The following TBC1D31 variants were observed in gnomAD, a reference collection of about 807,000 sequenced individuals.
TBC1D31 encodes the protein WD repeat domain 67.
TBC1D31 carries 99 observed loss-of-function variants against 132.9 expected under a neutral mutation model. That is an observed-to-expected ratio of 0.74 (90% confidence interval 0.63 to 0.88). The LOEUF (loss-of-function observed/expected upper bound fraction) is 0.88. Ranked by LOEUF, TBC1D31 falls within the 40% of genes least tolerant of loss-of-function variation. The pLI is 0.00. For synonymous variants in TBC1D31, 385 were observed against 419.4 expected (o/e 0.92, Z 1.00); for missense variants, 1,134 against 1,256.6 (o/e 0.90, Z 1.48).
intron 4 of TBC1D31, among the ~76,000 whole-genome samples, chr8:123,088,254 A>C (rs1346708097): frequency 6.6e-6 from 1 of 152,188 alleles, no homozygotes; most frequent in Non-Finnish European, 1.5e-5. Flanking sequence ...ATTTTTCTTA[A>C]AGGGCCAGTA....
chr8:123,147,114 A>G (rs909219709), intron 20 of TBC1D31, among the ~76,000 whole-genome samples: 10 of 151,922 alleles, frequency 6.6e-5, no homozygotes, highest in Non-Finnish European at 1.3e-4. Flanking sequence ...TACAAAAGAT[A>G]CTAATCATGG....
At chr8:123,080,697 C>T (rs1204221979) in intron 2 of TBC1D31, among the ~76,000 whole-genome samples, 1 of 151,882 alleles carries the variant, frequency 6.6e-6, no homozygotes, top group African/African-American at 2.4e-5. Context: ...CCACCACGCC[C>T]AGCTAATTTT....
At chr8:123,091,473 A>G (rs755478830) in intron 4 of TBC1D31, among the ~76,000 whole-genome samples, 3 of 152,226 alleles carry the variant, frequency 2.0e-5, no homozygotes, top group Non-Finnish European at 4.4e-5. Context: ...TAAGGCCTTC[A>G]TATTATAAAT....
intron 4 of TBC1D31, among the ~76,000 whole-genome samples, chr8:123,091,630 T>C (rs1370879106): frequency 6.6e-6 from 1 of 152,208 alleles, no homozygotes; most frequent in South Asian, 2.1e-4. Flanking sequence ...TATTGTCTTA[T>C]TGGCATTAAT....
At chr8:123,116,042 G>T (rs1399473580) in intron 10 of TBC1D31, among the ~76,000 whole-genome samples, 4 of 152,074 alleles carry the variant, frequency 2.6e-5, no homozygotes. Flanking sequence ...AGTAATGAAA[G>T]GGAATTAGCC....
Position 123,130,254 on chromosome 8 carries a change from CAAG to C in TBC1D31, c.2331_2333del (p.Arg779del). ...AAGGAAATGCACTTACAAGATGCTG[CAAG>C]AAGGCGTTTTCTGAAGCTTCAGCAA... is the stretch of plus-strand genomic sequence containing the variant. On this transcript the variant is annotated inframe_deletion, in exon 16 of 22. Coordinates refer to ENST00000287380, the MANE Select transcript of TBC1D31 (RefSeq NM_145647.4). The C allele has an allele frequency of 6.2e-7, 1 of 1,612,852 alleles. No homozygotes were observed. The highest frequency in any genetic ancestry group is 8.5e-7 in the Non-Finnish European group (1 of 1,179,350).
At chr8:123,099,940 G>GA (rs1817218291) in intron 6 of TBC1D31, among the ~76,000 whole-genome samples, 1 of 151,962 alleles carries the variant, frequency 6.6e-6, no homozygotes, top group East Asian at 1.9e-4. Context: ...AGAGGGAGCC[G>GA]AACTCATCCT....
Position 123,105,616 on chromosome 8 carries a change from G to C in TBC1D31, c.1209+152G>C, listed in dbSNP as rs973973059. The C allele has an allele frequency of 1.5e-5, 11 of 726,390 alleles. No individual in the cohort carries two copies. The Admixed American group carries it at 3.9e-4, about 26-fold the overall frequency. 45.0% of individuals were successfully genotyped at this position (726,390 alleles called of 1,614,324 possible). ...TTGTAACCTAAATTATGCACAGGCT[G>C]GTCTCAATCCTGGCCTCAAGTGATC... On this transcript the variant is annotated intron_variant, in intron 8 of 21. Coordinates refer to ENST00000287380, the MANE Select transcript of TBC1D31 (RefSeq NM_145647.4).
intron 21 of TBC1D31, 60 bp downstream of exon 21, chr8:123,150,188 A>C: frequency 1.5e-6 from 2 of 1,315,336 alleles, no homozygotes; most frequent in Non-Finnish European, 2.2e-6. Flanking sequence ...TATTTAAGCA[A>C]AATTGTGGCT....
chr8:123,097,181 C>A, intron 5 of TBC1D31, 101 bp from the exon 6 acceptor site: 1 of 1,276,750 alleles, frequency 7.8e-7, no homozygotes, highest in Non-Finnish European at 1.1e-6. Context: ...TATTGCATAG[C>A]ATAGACACAG....
chr8:123,079,426 G>C (rs1814904659), intron 2 of TBC1D31, among the ~76,000 whole-genome samples: 1 of 152,110 alleles, frequency 6.6e-6, no homozygotes, highest in Admixed American at 6.6e-5. Flanking sequence ...GATTCATTAG[G>C]TAAAAATCTG....
At chr8:123,112,684 G>A (rs1402322478) in intron 10 of TBC1D31, among the ~76,000 whole-genome samples, 1 of 152,070 alleles carries the variant, frequency 6.6e-6, no homozygotes, top group Non-Finnish European at 1.5e-5. Flanking sequence ...AATTAGTTTG[G>A]CCCATAAGTC....
Position 123,141,551 on chromosome 8 carries a change from T to C in TBC1D31, c.2640+650T>C, listed in dbSNP as rs149269531. Among the ~76,000 whole-genome samples the C allele has an allele frequency of 1.5e-3, 219 of 144,366 alleles. 1 individual carries two copies. Among genetic ancestry groups the C allele is most frequent in the African/African-American group, 5.5e-3 (213 of 38,836 alleles). 94.7% of individuals were successfully genotyped at this position (144,366 alleles called of 152,430 possible). ...ACTTGAGACTTTCAAAGAAGAGCTT[T>C]CTCTATTATCTCTTTAACAAAATGT... On this transcript the variant is annotated intron_variant, in intron 18 of 21. Transcript: ENST00000287380.
intron 19 of TBC1D31, 117 bp downstream of exon 19, chr8:123,142,573 A>G: frequency 1.4e-6 from 1 of 730,084 alleles, no homozygotes; most frequent in East Asian, 3.1e-5. Context: ...GCCTTAAGCA[A>G]TCTGCCTGCA....
chr8:123,147,910 A>G (rs1046911900), intron 20 of TBC1D31, among the ~76,000 whole-genome samples: 2 of 151,864 alleles, frequency 1.3e-5, no homozygotes, highest in Admixed American at 1.3e-4. Flanking sequence ...GGCAGATCAC[A>G]AGGTCAGGAG....
intron 7 of TBC1D31, chr8:123,102,184 C>T (rs772482670): frequency 1.1e-5 from 5 of 454,354 alleles, no homozygotes; most frequent in African/African-American, 2.0e-5. Context: ...TCTGAAATTG[C>T]ACCTTGGTAG....
chr8:123,133,113 G>C (rs1158594362), intron 16 of TBC1D31, among the ~76,000 whole-genome samples: 1 of 152,224 alleles, frequency 6.6e-6, no homozygotes, highest in Non-Finnish European at 1.5e-5. Context: ...AGCAGGAAAG[G>C]CTGCTTGAAT....
chr8:123,146,648 AAGAGTGAAAATAT>A (rs1211015019), intron 20 of TBC1D31, among the ~76,000 whole-genome samples: 1 of 152,118 alleles, frequency 6.6e-6, no homozygotes, highest in African/African-American at 2.4e-5. Context: ...CACAAATTTG[AAGAGTGAAAATAT>A]AGGTTAGGTC....
chr8:123,127,743 A>G (rs1204190338), intron 13 of TBC1D31: 1 of 152,872 alleles, frequency 6.5e-6, no homozygotes, highest in Non-Finnish European at 1.5e-5. Flanking sequence ...CATTAAGATC[A>G]TTATAAAAAG....
Sources: allele counts gnomAD v4.1 joint callset (sites outside exome capture counted in the v4.1 genomes callset), GRCh38; gene constraint gnomAD v4.1.1; transcripts MANE v1.5; gene names NCBI Gene and HGNC (gene_info 2026-07-23, HGNC 2026-07-21).